Variants in DOCK9 observed in about 807,000 individuals in gnomAD.
DOCK9 encodes the protein dedicator of cytokinesis protein 9.
DOCK9 carries 89 observed loss-of-function variants against 263.3 expected under a neutral mutation model. That is an observed-to-expected ratio of 0.34 (90% CI 0.28 to 0.40). The LOEUF is 0.40. DOCK9 is among the 10% of genes least tolerant of loss of function. The probability of loss-of-function intolerance (pLI) is 1.00; values close to 1 mark genes in which losing one functional copy is unlikely to be tolerated. For synonymous variants in DOCK9, 976 were observed against 973.1 expected (o/e 1.00, Z -0.06); for missense variants, 2,140 against 2,603.4 (o/e 0.82, Z 3.87).
upstream of DOCK9, among the ~76,000 whole-genome samples, chr13:98,979,236 A>G (rs11616914): frequency 0.12 from 16,594 of 143,860 alleles, 1,194 homozygotes; most frequent in African/African-American, 0.21. Flanking sequence ...TAGTAGCAGC[A>G]GCGGCGGCAG....
At chr13:98,924,561 T>C (rs2052610863) in intron 4 of DOCK9, among the ~76,000 whole-genome samples, 1 of 152,250 alleles carries the variant, frequency 6.6e-6, no homozygotes, top group South Asian at 2.1e-4. Flanking sequence ...GTCCCCGTTG[T>C]TGCATAATTG....
chr13:98,890,147 T>C (rs959036426), intron 15 of DOCK9, among the ~76,000 whole-genome samples: 1 of 152,220 alleles, frequency 6.6e-6, no homozygotes, highest in African/African-American at 2.4e-5. Context: ...ACCTACTGCA[T>C]TAGATATTCC....
At chr13:98,938,862 C>T (rs2055339388) in intron 2 of DOCK9, among the ~76,000 whole-genome samples, 1 of 152,212 alleles carries the variant, frequency 6.6e-6, no homozygotes, top group South Asian at 2.1e-4. Flanking sequence ...CACCCTTGCC[C>T]TGGGACCATA....
At chr13:98,852,853 GT>G in intron 35 of DOCK9, among the ~76,000 whole-genome samples, 1 of 152,286 alleles carries the variant, frequency 6.6e-6, no homozygotes, top group Admixed American at 6.5e-5. Flanking sequence ...ATTTTAAAAT[GT>G]GGTTGTCAAA....
chr13:98,863,099 G>A lies in DOCK9; in HGVS notation c.3499C>T (p.Pro1167Ser). Residue 1167 changes from proline (P) to serine (S), a missense_variant, in exon 32 of 53, where the codon CCT becomes TCT. Physicochemically the swap from Pro to Ser is moderately conservative, Grantham distance 74. Coordinates refer to ENST00000682017, the MANE Select transcript of DOCK9 (RefSeq NM_001366683.2). ...HQARIATLYLPLFGLLIENVQ... is the reference protein window; with the variant it reads ...HQARIATLYLSLFGLLIENVQ... ...TTTTCAATCAGCAGACCAAACAGAG[G>A]CAGGTAGAGGGTGGCTATCCTTGCC... 6.2e-7 allele frequency: 1 copy of A among 1,610,658 alleles called. No individual in the cohort carries two copies. Among genetic ancestry groups the A allele is most frequent in the Non-Finnish European group, 8.5e-7 (1 of 1,178,556 alleles).
chr13:98,885,819 A>G lies in DOCK9; in HGVS notation c.2149T>C (p.Leu717=), dbSNP rs747003801. The G allele has an allele frequency of 7.5e-6, 12 of 1,603,998 alleles. No individual in the cohort carries two copies. In the African/African-American group the frequency reaches 8.1e-5, roughly 11 times the overall value. The change falls in exon 20 of 53, where the codon TTG becomes CTG. Residue 717 remains leucine, a synonymous_variant. Transcript: ENST00000682017. ...PEFYDEIKIE[L]PTQLHEKHHL... is the part of the protein sequence containing the mutation. ...TGCTTTTCATGCAGCTGAGTGGGCAACTCTATTTTAATCTGCAAGGGAAGA... is the reference window on the plus strand; with the variant it reads ...TGCTTTTCATGCAGCTGAGTGGGCAGCTCTATTTTAATCTGCAAGGGAAGA...
chr13:98,805,520 A>T (rs2090602667), intron 48 of DOCK9, among the ~76,000 whole-genome samples: 1 of 152,196 alleles, frequency 6.6e-6, no homozygotes, highest in Non-Finnish European at 1.5e-5. Flanking sequence ...AAAAATAAGG[A>T]CATTTGCTTC....
chr13:98,983,831 G>A lies in DOCK9; in HGVS notation c.130-28280C>T, dbSNP rs560931831. 2.6e-5 allele frequency among the ~76,000 whole-genome samples: 4 copies of A among 152,176 alleles called. No individual in the cohort carries two copies. In the South Asian group the frequency reaches 8.3e-4, roughly 32 times the overall value. On this transcript the variant is annotated intron_variant, in intron 1 of 32. Transcript: ENST00000427887. ...AGAGTTTCACCATGTAGGCCAGGCT[G>A]GTCTCGAACTCCTGACCTCAGGTGA...
At chr13:98,894,252 T>C (rs760592580) in intron 15 of DOCK9, among the ~76,000 whole-genome samples, 2 of 152,180 alleles carry the variant, frequency 1.3e-5, no homozygotes, top group Non-Finnish European at 2.9e-5. Context: ...AAAAACTTCA[T>C]TGTTTGTTTT....
At chr13:98,998,877 GCTA>G (rs1000562359) in intron 1 of DOCK9, among the ~76,000 whole-genome samples, 4 of 152,122 alleles carry the variant, frequency 2.6e-5, no homozygotes, top group African/African-American at 9.7e-5. Context: ...TTCACTTTGG[GCTA>G]CTGTCAAAAT....
At chr13:98,958,327 A>C (rs7337807) in intron 1 of DOCK9, among the ~76,000 whole-genome samples, 63,860 of 152,112 alleles carry the variant, frequency 0.42, 13,782 homozygotes, top group East Asian at 0.56. Flanking sequence ...ACCTCAGCAA[A>C]CTTGGCCACC....
intron 27 of DOCK9, among the ~76,000 whole-genome samples, chr13:98,877,727 G>A (rs940905647): frequency 7.9e-5 from 12 of 152,156 alleles, no homozygotes; most frequent in African/African-American, 2.4e-4. Context: ...GCCACTGAAC[G>A]AAATGCACAC....
intron 1 of DOCK9, among the ~76,000 whole-genome samples, chr13:99,021,778 T>C (rs1363631124): frequency 2.6e-5 from 4 of 151,928 alleles, no homozygotes; most frequent in Admixed American, 6.6e-5. Context: ...CATGTTCTCA[T>C]ACATAAGTGG....
intron 1 of DOCK9, among the ~76,000 whole-genome samples, chr13:99,040,699 C>A (rs1888371373): frequency 6.6e-6 from 1 of 152,072 alleles, no homozygotes; most frequent in Non-Finnish European, 1.5e-5. Flanking sequence ...AAGATCTGTC[C>A]CATCCTACAG....
At chr13:99,084,055 T>A (rs1566408022) in intron 1 of DOCK9, among the ~76,000 whole-genome samples, 1 of 152,204 alleles carries the variant, frequency 6.6e-6, no homozygotes, top group Non-Finnish European at 1.5e-5. Context: ...CCTGGCGTGG[T>A]TGCTGCTCTG....
At chr13:99,021,720 G>A (rs1246757354) in intron 1 of DOCK9, among the ~76,000 whole-genome samples, 1 of 151,842 alleles carries the variant, frequency 6.6e-6, no homozygotes, top group Non-Finnish European at 1.5e-5. Context: ...AATAAGGAGT[G>A]GAGCTTTCAG....
At chr13:98,927,775 G>A (rs918493993) in intron 3 of DOCK9, among the ~76,000 whole-genome samples, 18 of 151,632 alleles carry the variant, frequency 1.2e-4, no homozygotes, top group Admixed American at 3.3e-4. Context: ...CGAACACCAC[G>A]ACGCCTGGCT....
At chr13:98,989,634 G>C (rs1179935178) in intron 1 of DOCK9, among the ~76,000 whole-genome samples, 1 of 152,146 alleles carries the variant, frequency 6.6e-6, no homozygotes, top group Admixed American at 6.6e-5. Flanking sequence ...ACACATATGA[G>C]GGTATTTGGC....
intron 2 of DOCK9, among the ~76,000 whole-genome samples, chr13:98,935,296 A>G (rs751554831): frequency 1.3e-5 from 2 of 152,222 alleles, no homozygotes; most frequent in Admixed American, 6.5e-5. Flanking sequence ...AAATAAATAA[A>G]TATATCCATT....
Sources: allele counts gnomAD v4.1 joint callset (sites outside exome capture counted in the v4.1 genomes callset), GRCh38; gene constraint gnomAD v4.1.1; transcripts MANE v1.5; gene names NCBI Gene and HGNC (gene_info 2026-07-23, HGNC 2026-07-21).